CENPW: variants seen among roughly 807,000 people sequenced by gnomAD.
The protein encoded by CENPW is cancer-up-regulated gene 2 protein.
Under a neutral mutation model 11.1 loss-of-function variants are expected in CENPW, and 3 were observed. That is an observed-to-expected ratio of 0.27 (90% CI 0.12 to 0.70). The LOEUF is 0.70. CENPW is among the 30% of genes least tolerant of loss of function. The pLI is 0.77. For synonymous variants in CENPW, 38 were observed against 42.0 expected (o/e 0.91, Z 0.37); for missense variants, 100 against 105.6 (o/e 0.95, Z 0.23).
the CENPW span, among the ~76,000 whole-genome samples, chr6:126,378,535 G>GCACTCTATC: frequency 1.3e-5 from 2 of 151,662 alleles, no homozygotes; most frequent in African/African-American, 2.4e-5. Flanking sequence ...CTGGTCGTGA[G>GCACTCTATC]CACTCTATCC....
intron 2 of CENPW, among the ~76,000 whole-genome samples, chr6:126,347,416 T>C (rs1160038663): frequency 1.3e-5 from 2 of 152,136 alleles, no homozygotes; most frequent in Non-Finnish European, 2.9e-5. Context: ...ATGAGAGAAA[T>C]ATAGCAATAA....
At chr6:126,464,980 T>A in the CENPW span, among the ~76,000 whole-genome samples, 2 of 152,114 alleles carry the variant, frequency 1.3e-5, no homozygotes, top group Admixed American at 6.6e-5. Flanking sequence ...ATTACCACTT[T>A]TAGGTAATAT....
the CENPW span, among the ~76,000 whole-genome samples, chr6:126,399,974 T>C: frequency 5.3e-5 from 8 of 152,232 alleles, no homozygotes; most frequent in East Asian, 1.5e-3. Flanking sequence ...ATTTAATTCA[T>C]GTGGTGGTGT....
chr6:126,381,008 G>C, the CENPW span, among the ~76,000 whole-genome samples: 6 of 152,104 alleles, frequency 3.9e-5, no homozygotes, highest in Non-Finnish European at 7.4e-5. Flanking sequence ...TCCCACCCTT[G>C]ATATCTGATC....
the CENPW span, among the ~76,000 whole-genome samples, chr6:126,384,793 C>T: frequency 6.6e-6 from 1 of 152,142 alleles, no homozygotes; most frequent in African/African-American, 2.4e-5. Context: ...GAAAGATCTT[C>T]TGCACAGCCA....
At chr6:126,402,197 C>T in the CENPW span, among the ~76,000 whole-genome samples, 7 of 151,870 alleles carry the variant, frequency 4.6e-5, no homozygotes, top group Admixed American at 1.3e-4. Context: ...GCAATTATTC[C>T]AGCAAATATT....
the CENPW span, among the ~76,000 whole-genome samples, chr6:126,466,901 G>T: frequency 6.6e-6 from 1 of 151,880 alleles, no homozygotes; most frequent in Non-Finnish European, 1.5e-5. Context: ...ACCACAAAAA[G>T]AATAAAACAC....
At chr6:126,428,558 C>T in the CENPW span, among the ~76,000 whole-genome samples, 4 of 152,012 alleles carry the variant, frequency 2.6e-5, no homozygotes, top group South Asian at 2.1e-4. Flanking sequence ...TGGGTTTAGG[C>T]GCAACACATT....
the CENPW span, among the ~76,000 whole-genome samples, chr6:126,474,871 G>C: frequency 6.6e-6 from 1 of 152,012 alleles, no homozygotes; most frequent in Non-Finnish European, 1.5e-5. Flanking sequence ...TAAAGCCACT[G>C]CATCATCCAG....
At chr6:126,456,812 T>C in the CENPW span, among the ~76,000 whole-genome samples, 1 of 151,334 alleles carries the variant, frequency 6.6e-6, no homozygotes, top group Non-Finnish European at 1.5e-5. Flanking sequence ...CCATCAAAGG[T>C]CTAATATCCA....
At chr6:126,421,007 G>A in the CENPW span, among the ~76,000 whole-genome samples, 1 of 152,056 alleles carries the variant, frequency 6.6e-6, no homozygotes, top group Admixed American at 6.6e-5. Flanking sequence ...GTCATTCTTT[G>A]TTTAATAAAC....
the CENPW span, among the ~76,000 whole-genome samples, chr6:126,459,820 A>T: frequency 2.6e-5 from 4 of 151,568 alleles, no homozygotes; most frequent in African/African-American, 9.7e-5. Flanking sequence ...TGTGCTCCTC[A>T]CTAATTCTCT....
the CENPW span, among the ~76,000 whole-genome samples, chr6:126,358,797 T>A: frequency 6.6e-6 from 1 of 152,090 alleles, no homozygotes; most frequent in Non-Finnish European, 1.5e-5. Flanking sequence ...CTCCCAAGAT[T>A]GAACCAGGAA....
At chr6:126,427,611 G>A in the CENPW span, among the ~76,000 whole-genome samples, 5 of 152,154 alleles carry the variant, frequency 3.3e-5, no homozygotes, top group African/African-American at 1.2e-4. Flanking sequence ...GAAAGTTTCA[G>A]ATCACTTTTC....
chr6:126,349,310 T>A (rs182040638), downstream of CENPW, among the ~76,000 whole-genome samples: 1 of 152,268 alleles, frequency 6.6e-6, no homozygotes, highest in African/African-American at 2.4e-5. Context: ...AGGAATTTCA[T>A]ATAGGTACAG....
At chr6:126,430,680 C>T in the CENPW span, among the ~76,000 whole-genome samples, 4 of 151,944 alleles carry the variant, frequency 2.6e-5, no homozygotes, top group African/African-American at 7.3e-5. Flanking sequence ...TGGCTGGGTG[C>T]GGTGGCCACG....
the CENPW span, among the ~76,000 whole-genome samples, chr6:126,458,602 T>G: frequency 2.0e-5 from 3 of 151,280 alleles, no homozygotes; most frequent in Non-Finnish European, 4.4e-5. Context: ...AAGAAAATAA[T>G]GAATTTTCAG....
At chr6:126,450,566 T>C in the CENPW span, among the ~76,000 whole-genome samples, 1 of 151,070 alleles carries the variant, frequency 6.6e-6, no homozygotes, top group Admixed American at 6.6e-5. Context: ...TTTTGACTTA[T>C]TAATTTTTTA....
At chr6:126,476,088 GAAA>G in the CENPW span, among the ~76,000 whole-genome samples, 1 of 134,292 alleles carries the variant, frequency 7.4e-6, no homozygotes. Flanking sequence ...TTTTCCTATA[GAAA>G]AAAAAAAAAA....
Sources: gnomAD v4.1 joint callset for allele counts (sites outside exome capture counted in the v4.1 genomes callset) on GRCh38, gnomAD v4.1.1 for gene constraint, MANE v1.5 for transcripts, NCBI Gene and HGNC (gene_info 2026-07-23, HGNC 2026-07-21) for gene names.